Variants in SEMA3A observed in about 807,000 individuals in gnomAD.
SEMA3A encodes semaphorin 3A, also known as semaphorin-3A.
Under a neutral mutation model 97.9 loss-of-function variants are expected in SEMA3A, and 29 were observed. The ratio of observed to expected loss-of-function variants is 0.30; its 90% CI spans 0.22 to 0.40. The LOEUF is 0.40. SEMA3A is among the 10% of genes least tolerant of loss of function. The probability of loss-of-function intolerance (pLI) is 1.00; values close to 1 mark genes in which losing one functional copy is unlikely to be tolerated. For synonymous variants in SEMA3A, 321 were observed against 323.7 expected (o/e 0.99, Z 0.09); for missense variants, 763 against 951.3 (o/e 0.80, Z 2.60).
intron 1 of SEMA3A, among the ~76,000 whole-genome samples, chr7:84,407,218 T>C (rs1017115945): frequency 1.3e-5 from 2 of 152,100 alleles, no homozygotes; most frequent in African/African-American, 4.8e-5. Flanking sequence ...GGATACAAAA[T>C]CAATGTGCAA....
chr7:84,066,640 G>C (rs1793513456), intron 4 of SEMA3A, among the ~76,000 whole-genome samples: 1 of 149,580 alleles, frequency 6.7e-6, no homozygotes, highest in African/African-American at 2.5e-5. Context: ...GACAAACAGA[G>C]AGCCAAATCA....
intron 5 of SEMA3A, among the ~76,000 whole-genome samples, chr7:84,048,718 A>C (rs1454982582): frequency 6.6e-6 from 1 of 152,072 alleles, no homozygotes; most frequent in Non-Finnish European, 1.5e-5. Flanking sequence ...GAAAAATTTA[A>C]TATCAGGATT....
chr7:84,215,926 T>TACAC (rs35981045), intron 3 of SEMA3A, among the ~76,000 whole-genome samples: 2 of 151,288 alleles, frequency 1.3e-5, no homozygotes, highest in African/African-American at 2.4e-5. Flanking sequence ...TACATATAGA[T>TACAC]ACACACACAC....
chr7:84,187,721 CTTA>C lies in SEMA3A; in HGVS notation c.112+6751_112+6753del, dbSNP rs562731972. Among the ~76,000 whole-genome samples the C allele has an allele frequency of 5.1e-4, 77 of 152,128 alleles. 1 individual carries two copies. In the South Asian group the frequency reaches 0.013, roughly 27 times the overall value. ...AATTGATTTATTGTAAATTTTCATT[CTTA>C]TTATTTCCAAAAATAATTTTGTTTT... On this transcript the variant is annotated intron_variant, in intron 1 of 16. Coordinates refer to ENST00000265362, the MANE Select transcript of SEMA3A (RefSeq NM_006080.3).
intron 5 of SEMA3A, 100 bp downstream of exon 5, chr7:84,060,361 CAATT>C: frequency 1.3e-6 from 1 of 752,620 alleles, no homozygotes; most frequent in East Asian, 2.9e-5. Flanking sequence ...CCTTCTAAAA[CAATT>C]ATTATTTCAT....
chr7:84,276,420 T>C (rs1490805867), intron 3 of SEMA3A, among the ~76,000 whole-genome samples: 1 of 152,096 alleles, frequency 6.6e-6, no homozygotes, highest in Non-Finnish European at 1.5e-5. Context: ...GATATATATA[T>C]AGCATATGTT....
In SEMA3A at chr7:84,452,588, C is replaced by T. The variant is rs566389425; in HGVS notation, c.-246+39872G>A. Among the ~76,000 whole-genome samples, 12 of 152,204 alleles carry T rather than the reference C, an allele frequency of 7.9e-5. 1 individual carries two copies. In the South Asian group the frequency reaches 1.9e-3, roughly 24 times the overall value. ...ATGTTCCTTTTTTATCGGCTCTCAG[C>T]ATGAAATTTTAATACTGTTATGTTA... On this transcript the variant is annotated intron_variant, in intron 1 of 3. Transcript: ENST00000424555.
chr7:84,278,734 T>C (rs1800370442), intron 3 of SEMA3A, among the ~76,000 whole-genome samples: 1 of 151,996 alleles, frequency 6.6e-6, no homozygotes. Context: ...AATCAGATCT[T>C]ATGAAAAACT....
At chr7:84,142,257 C>A (rs529373240) in intron 1 of SEMA3A, among the ~76,000 whole-genome samples, 2 of 152,186 alleles carry the variant, frequency 1.3e-5, no homozygotes, top group African/African-American at 4.8e-5. Flanking sequence ...AACACGTAGA[C>A]CTTGGCTAAA....
intron 1 of SEMA3A, among the ~76,000 whole-genome samples, chr7:84,447,260 T>C (rs116929284): frequency 6.6e-6 from 1 of 152,226 alleles, no homozygotes; most frequent in East Asian, 1.9e-4. Context: ...CAGGCACCCT[T>C]TGGGACAAAT....
chr7:84,423,267 G>C (rs1184000837), intron 1 of SEMA3A, among the ~76,000 whole-genome samples: 9 of 151,960 alleles, frequency 5.9e-5, no homozygotes, highest in Non-Finnish European at 8.8e-5. Context: ...TTTGTTACTA[G>C]GTTAATGTTT....
intron 2 of SEMA3A, among the ~76,000 whole-genome samples, chr7:84,325,115 A>C (rs1446538995): frequency 7.1e-6 from 1 of 140,496 alleles, no homozygotes; most frequent in Non-Finnish European, 1.6e-5. Flanking sequence ...GAATGTATAT[A>C]TCTCTATCTA....
intron 4 of SEMA3A, among the ~76,000 whole-genome samples, chr7:84,065,297 A>G (rs7778646): frequency 0.13 from 15,442 of 115,136 alleles, 1,339 homozygotes; most frequent in Middle Eastern, 0.24. Flanking sequence ...TATAGCACTA[A>G]ATGCCCACAA....
chr7:84,206,569 G>A (rs531834836), intron 3 of SEMA3A, among the ~76,000 whole-genome samples: 82 of 151,872 alleles, frequency 5.4e-4, no homozygotes, highest in Non-Finnish European at 1.0e-3. Context: ...TGATCCGCCC[G>A]CCTCGGCCTC....
chr7:84,118,534 A>C (rs1795503575), intron 3 of SEMA3A, among the ~76,000 whole-genome samples: 1 of 152,172 alleles, frequency 6.6e-6, no homozygotes, highest in Non-Finnish European at 1.5e-5. Flanking sequence ...GTGGGGCAGT[A>C]CCTGGGCCTC....
chr7:84,408,114 G>A (rs556043063), intron 1 of SEMA3A, among the ~76,000 whole-genome samples: 135 of 152,214 alleles, frequency 8.9e-4, no homozygotes, highest in Non-Finnish European at 1.6e-3. Flanking sequence ...GCAACCTACA[G>A]AATGGGAGAA....
chr7:84,265,056 G>A (rs983377878), intron 3 of SEMA3A, among the ~76,000 whole-genome samples: 1 of 152,038 alleles, frequency 6.6e-6, no homozygotes. Flanking sequence ...ACCCCACTTC[G>A]AAGATGAAGG....
At chr7:84,230,660 G>A (rs958321802) in intron 3 of SEMA3A, among the ~76,000 whole-genome samples, 1 of 151,626 alleles carries the variant, frequency 6.6e-6, no homozygotes, top group African/African-American at 2.4e-5. Context: ...TGTCTGGTTC[G>A]GCTCTTATGT....
chr7:84,022,501 G>T (rs1241692321), intron 6 of SEMA3A, among the ~76,000 whole-genome samples: 1 of 152,160 alleles, frequency 6.6e-6, no homozygotes, highest in East Asian at 1.9e-4. Context: ...CACAAATACA[G>T]ATCTTTAATA....
Sources: allele counts gnomAD v4.1 joint callset (sites outside exome capture counted in the v4.1 genomes callset), GRCh38; gene constraint gnomAD v4.1.1; transcripts MANE v1.5; gene names NCBI Gene and HGNC (gene_info 2026-07-23, HGNC 2026-07-21).